RPS6KC1: variants seen among roughly 807,000 people sequenced by gnomAD.
RPS6KC1 encodes ribosomal protein S6 kinase C1, also known as inactive ribosomal protein S6 kinase delta-1.
In RPS6KC1, 54 loss-of-function variants were observed where a neutral mutation model predicts 103.8. The observed-to-expected ratio is 0.52, with a 90% CI of 0.42 to 0.65. The LOEUF is 0.65. Among genes scored for constraint, RPS6KC1 ranks in the 30% least tolerant of loss-of-function variants. The pLI is 0.00. For missense variants in RPS6KC1, 1,151 were observed against 1,253.8 expected, an observed-to-expected ratio of 0.92 and a Z score of 1.24; for synonymous variants, 439 against 438.7, an observed-to-expected ratio of 1.00 and a Z score of -0.01.
chr1:213,324,358 C>T, the RPS6KC1 span, among the ~76,000 whole-genome samples: 1 of 152,058 alleles, frequency 6.6e-6, no homozygotes, highest in East Asian at 1.9e-4. Context: ...TAATTCTTAC[C>T]ATATCTTATT....
chr1:213,687,301 C>G, the RPS6KC1 span, among the ~76,000 whole-genome samples: 1 of 152,122 alleles, frequency 6.6e-6, no homozygotes, highest in African/African-American at 2.4e-5. Context: ...TATAGAGAGG[C>G]TTAAATAACA....
the RPS6KC1 span, among the ~76,000 whole-genome samples, chr1:213,536,632 T>A: frequency 2.6e-5 from 4 of 152,148 alleles, no homozygotes; most frequent in African/African-American, 4.8e-5. Context: ...GTTGAGTGTG[T>A]GTGTTTATAC....
the RPS6KC1 span, among the ~76,000 whole-genome samples, chr1:213,780,259 G>A: frequency 6.6e-6 from 1 of 152,274 alleles, no homozygotes; most frequent in Non-Finnish European, 1.5e-5. Context: ...AGGTATATAA[G>A]TCCACAAGTT....
At chr1:213,133,248 C>T (rs912838648) in intron 6 of RPS6KC1, among the ~76,000 whole-genome samples, 1 of 151,928 alleles carries the variant, frequency 6.6e-6, no homozygotes, top group Non-Finnish European at 1.5e-5. Flanking sequence ...CTTTCCTGTC[C>T]ATCTTGTTTA....
At chr1:213,602,623 G>GTTTC in the RPS6KC1 span, among the ~76,000 whole-genome samples, 9 of 152,188 alleles carry the variant, frequency 5.9e-5, no homozygotes, top group African/African-American at 1.9e-4. Context: ...CAAGAGAAGA[G>GTTTC]GTTTTCTTAG....
chr1:213,723,044 G>T, the RPS6KC1 span, among the ~76,000 whole-genome samples: 1 of 152,136 alleles, frequency 6.6e-6, no homozygotes, highest in African/African-American at 2.4e-5. Context: ...GCCAGGCATG[G>T]TGGCAGGTGC....
chr1:213,518,640 C>T, the RPS6KC1 span, among the ~76,000 whole-genome samples: 1 of 152,186 alleles, frequency 6.6e-6, no homozygotes. Context: ...ATCGTAAAAC[C>T]TTCAGTACCT....
the RPS6KC1 span, among the ~76,000 whole-genome samples, chr1:213,343,519 T>C: frequency 1.3e-5 from 2 of 148,462 alleles, no homozygotes; most frequent in African/African-American, 5.0e-5. Context: ...AATTGGAGAC[T>C]ATTATCCTAA....
the RPS6KC1 span, among the ~76,000 whole-genome samples, chr1:213,606,467 C>T: frequency 1.3e-5 from 2 of 152,154 alleles, no homozygotes; most frequent in Admixed American, 6.5e-5. Flanking sequence ...GTCAGGGCAG[C>T]GAGAAAGCCA....
intron 8 of RPS6KC1, among the ~76,000 whole-genome samples, chr1:213,223,568 A>G (rs1322948311): frequency 6.6e-6 from 1 of 152,178 alleles, no homozygotes; most frequent in Non-Finnish European, 1.5e-5. Flanking sequence ...GTAGTATTCT[A>G]TGGAGTATAT....
chr1:213,853,410 A>T, the RPS6KC1 span, among the ~76,000 whole-genome samples: 1 of 152,344 alleles, frequency 6.6e-6, no homozygotes, highest in East Asian at 1.9e-4. Flanking sequence ...TTCATCTGTC[A>T]AATGAGGATA....
At chr1:213,106,241 T>TCAA (rs2082480899) in intron 4 of RPS6KC1, among the ~76,000 whole-genome samples, 1 of 151,580 alleles carries the variant, frequency 6.6e-6, no homozygotes, top group African/African-American at 2.4e-5. Flanking sequence ...ATAGAGATAA[T>TCAA]CAAGCAAGAA....
the RPS6KC1 span, among the ~76,000 whole-genome samples, chr1:213,361,693 G>GT: frequency 6.6e-6 from 1 of 152,148 alleles, no homozygotes; most frequent in East Asian, 1.9e-4. Flanking sequence ...ACTGCCCTGC[G>GT]GTCATTCTTA....
At chr1:213,512,543 G>T in the RPS6KC1 span, among the ~76,000 whole-genome samples, 1 of 152,284 alleles carries the variant, frequency 6.6e-6, no homozygotes, top group East Asian at 1.9e-4. Context: ...CCCATTAGTC[G>T]ACAGTTAAGT....
At chr1:213,138,303 G>A (rs1228843916) in intron 6 of RPS6KC1, among the ~76,000 whole-genome samples, 1 of 151,094 alleles carries the variant, frequency 6.6e-6, no homozygotes, top group Non-Finnish European at 1.5e-5. Flanking sequence ...CCAAATAGAA[G>A]TTTTGTGGCA....
chr1:213,610,896 T>G, the RPS6KC1 span, among the ~76,000 whole-genome samples: 2 of 152,226 alleles, frequency 1.3e-5, no homozygotes, highest in Non-Finnish European at 2.9e-5. Context: ...GACCCTTTCC[T>G]GTTCTTGAGT....
the RPS6KC1 span, among the ~76,000 whole-genome samples, chr1:213,599,433 G>A: frequency 6.2e-4 from 85 of 138,092 alleles, no homozygotes; most frequent in Admixed American, 5.7e-4. Context: ...TAACACTGGA[G>A]AAAAAAAAAA....
At chr1:213,555,486 A>G in the RPS6KC1 span, among the ~76,000 whole-genome samples, 2 of 152,148 alleles carry the variant, frequency 1.3e-5, no homozygotes, top group African/African-American at 4.8e-5. Context: ...TTTTTAAGAC[A>G]GGGTCCCACT....
the RPS6KC1 span, among the ~76,000 whole-genome samples, chr1:213,455,003 CAG>C: frequency 6.6e-6 from 1 of 152,176 alleles, no homozygotes; most frequent in Non-Finnish European, 1.5e-5. Context: ...ACAGGTGCCT[CAG>C]GGAGCGTCCA....
Sources: gnomAD v4.1 joint callset for allele counts (sites outside exome capture counted in the v4.1 genomes callset) on GRCh38, gnomAD v4.1.1 for gene constraint, MANE v1.5 for transcripts, NCBI Gene and HGNC (gene_info 2026-07-23, HGNC 2026-07-21) for gene names.